The following MSRA variants were observed in gnomAD, a reference collection of about 807,000 sequenced individuals.
The protein encoded by MSRA is methionine sulfoxide reductase A.
Under a neutral mutation model 31.3 loss-of-function variants are expected in MSRA, and 54 were observed. The ratio of observed to expected loss-of-function variants is 1.73; its 90% CI spans 1.39 to 2.17. MSRA has a LOEUF of 2.17. MSRA is among the 30% of genes most tolerant of loss of function. MSRA has a pLI of 0.00. For synonymous variants in MSRA, 169 were observed against 116.5 expected, an observed-to-expected ratio of 1.45 and a Z score of -2.90; for missense variants, 507 against 300.9, an observed-to-expected ratio of 1.69 and a Z score of -5.07.
At chr8:10,339,464 C>G (rs747019135) in intron 5 of MSRA, among the ~76,000 whole-genome samples, 2 of 151,254 alleles carry the variant, frequency 1.3e-5, no homozygotes, top group African/African-American at 2.4e-5. Flanking sequence ...AGTGTCTGTC[C>G]TGTTCTTCGT....
chr8:10,070,937 T>TA (rs1289135253), intron 1 of MSRA, among the ~76,000 whole-genome samples: 2 of 152,256 alleles, frequency 1.3e-5, no homozygotes, highest in African/African-American at 4.8e-5. Context: ...CTTTGGCTGT[T>TA]ACGAGTGAAG....
chr8:10,060,654 A>G (rs1266838539), intron 1 of MSRA, among the ~76,000 whole-genome samples: 5 of 148,528 alleles, frequency 3.4e-5, no homozygotes, highest in East Asian at 2.0e-4. Flanking sequence ...TTTTTTTTCA[A>G]TTTTGCTCTT....
At chr8:10,320,018 G>A (rs373826250) in intron 5 of MSRA, 29 bp downstream of exon 5, 381 of 1,496,470 alleles carry the variant, frequency 2.5e-4, no homozygotes, top group Non-Finnish European at 3.1e-4. Context: ...CTAGCCCCTG[G>A]CTTAGGCCAC....
intron 5 of MSRA, among the ~76,000 whole-genome samples, chr8:10,382,738 G>T (rs184606365): frequency 1.3e-5 from 2 of 152,102 alleles, no homozygotes; most frequent in African/African-American, 2.4e-5. Context: ...GGCAAGAATG[G>T]CATTTCTGGA....
At chr8:10,250,745 C>T in intron 3 of MSRA, 4 of 459,602 alleles carry the variant, frequency 8.7e-6, no homozygotes, top group East Asian at 3.5e-5. Context: ...TATTTACTGT[C>T]AGGTGCTTAT....
intron 5 of MSRA, among the ~76,000 whole-genome samples, chr8:10,398,638 C>T (rs1394947342): frequency 6.6e-6 from 1 of 152,168 alleles, no homozygotes; most frequent in African/African-American, 2.4e-5. Context: ...AGCTGCTTAG[C>T]CAAAAATAAG....
At chr8:10,190,511 C>T (rs1807420151) in intron 1 of MSRA, among the ~76,000 whole-genome samples, 1 of 152,234 alleles carries the variant, frequency 6.6e-6, no homozygotes, top group African/African-American at 2.4e-5. Context: ...CTGGCCTGGC[C>T]AAGCCCGCAA....
At chr8:10,199,973 G>A (rs1808354725) in intron 1 of MSRA, among the ~76,000 whole-genome samples, 1 of 152,188 alleles carries the variant, frequency 6.6e-6, no homozygotes, top group South Asian at 2.1e-4. Flanking sequence ...GCCTCACCAA[G>A]GTGGGTTACT....
chr8:10,312,678 T>A (rs913629793), intron 4 of MSRA, among the ~76,000 whole-genome samples: 3 of 152,182 alleles, frequency 2.0e-5, no homozygotes, highest in African/African-American at 7.2e-5. Context: ...AATTTAATAG[T>A]ATATAAGAAA....
intron 1 of MSRA, among the ~76,000 whole-genome samples, chr8:10,099,111 G>T (rs1205270452): frequency 7.9e-6 from 1 of 126,578 alleles, no homozygotes; most frequent in Non-Finnish European, 1.7e-5. Context: ...GTTTGTGAGT[G>T]AGAGAGAGAG....
At chr8:10,105,177 G>A (rs927214196) in intron 1 of MSRA, among the ~76,000 whole-genome samples, 3 of 151,890 alleles carry the variant, frequency 2.0e-5, no homozygotes, top group Non-Finnish European at 4.4e-5. Flanking sequence ...TATGCTCATC[G>A]AAGATACCTT....
At chr8:10,352,137 T>C (rs1213875490) in intron 5 of MSRA, among the ~76,000 whole-genome samples, 1 of 152,240 alleles carries the variant, frequency 6.6e-6, no homozygotes, top group East Asian at 1.9e-4. Context: ...TTTTGTGTGC[T>C]GGTGCCGATG....
chr8:10,133,862 G>T (rs372350691), intron 1 of MSRA, among the ~76,000 whole-genome samples: 6 of 151,922 alleles, frequency 3.9e-5, no homozygotes, highest in Non-Finnish European at 5.9e-5. Flanking sequence ...ATGGAGTCTC[G>T]CTCTGTCGCC....
Position 10,054,440 on chromosome 8 carries a change from ACT to A in MSRA, c.-72_-71del, listed in dbSNP as rs746909546. 1.5e-4 allele frequency: 129 copies of A among 843,722 alleles called. No homozygotes were observed. Among genetic ancestry groups the A allele is most frequent in the Admixed American group, 1.8e-4 (6 of 33,310 alleles). The allele number at this position is 843,722 out of a possible 1,614,324, so 52.3% of individuals were successfully genotyped here. On this transcript the variant is annotated 5_prime_UTR_variant, in exon 1 of 6. Coordinates refer to ENST00000317173, the MANE Select transcript of MSRA (RefSeq NM_012331.5). ...CCCCCCGGTTCCGGCCGCGGACCCC[ACT>A]CTCTGCCGTTCCGGCTGCGGCTCCG...
chr8:10,065,577 A>C (rs916928387), intron 1 of MSRA, among the ~76,000 whole-genome samples: 2 of 152,242 alleles, frequency 1.3e-5, no homozygotes, highest in Non-Finnish European at 2.9e-5. Context: ...TGAAGTTCCA[A>C]GTGTAAGATA....
At chr8:10,418,368 C>T (rs1386798786) in intron 5 of MSRA, among the ~76,000 whole-genome samples, 4 of 152,108 alleles carry the variant, frequency 2.6e-5, no homozygotes, top group African/African-American at 7.2e-5. Context: ...AAATGAGGGT[C>T]ATCTGTCTTG....
intron 5 of MSRA, among the ~76,000 whole-genome samples, chr8:10,423,324 C>T (rs1808926670): frequency 6.6e-6 from 1 of 152,168 alleles, no homozygotes. Flanking sequence ...AGTAGATGAC[C>T]ACAAGCATTG....
intron 2 of MSRA, among the ~76,000 whole-genome samples, chr8:10,211,338 C>T (rs973078145): frequency 6.6e-6 from 1 of 152,128 alleles, no homozygotes; most frequent in East Asian, 1.9e-4. Context: ...AGTTTTTCTC[C>T]TGGTCTCCTT....
chr8:10,064,887 T>G (rs1021697279), intron 1 of MSRA, among the ~76,000 whole-genome samples: 8 of 152,154 alleles, frequency 5.3e-5, no homozygotes, highest in African/African-American at 1.7e-4. Flanking sequence ...TGAAATACTT[T>G]GAGGGAATTC....
Sources: gnomAD v4.1 joint callset for allele counts (sites outside exome capture counted in the v4.1 genomes callset) on GRCh38, gnomAD v4.1.1 for gene constraint, MANE v1.5 for transcripts, NCBI Gene and HGNC (gene_info 2026-07-23, HGNC 2026-07-21) for gene names.